ZSWIM5: variants seen among roughly 807,000 people sequenced by gnomAD.
The protein encoded by ZSWIM5 is zinc finger SWIM-type containing 5.
In ZSWIM5, 55 loss-of-function variants were observed where a neutral mutation model predicts 119.6. That is an observed-to-expected ratio of 0.46 (90% CI 0.37 to 0.58). ZSWIM5 has a LOEUF of 0.58. Among genes scored for constraint, ZSWIM5 ranks in the 20% least tolerant of loss-of-function variants. The pLI, the probability that ZSWIM5 is intolerant of heterozygous loss-of-function variation, is 0.00. For synonymous variants in ZSWIM5, 537 were observed against 606.9 expected (o/e 0.88, Z 1.69); for missense variants, 1,193 against 1,512.8 (o/e 0.79, Z 3.51).
At chr1:45,121,579 T>C (rs1000600975) in intron 1 of ZSWIM5, among the ~76,000 whole-genome samples, 2 of 148,176 alleles carry the variant, frequency 1.3e-5, no homozygotes, top group Non-Finnish European at 3.0e-5. Flanking sequence ...CATTTATAGA[T>C]AGGAATCTTT....
chr1:45,056,242 T>A (rs909508095), intron 4 of ZSWIM5, among the ~76,000 whole-genome samples: 4 of 152,076 alleles, frequency 2.6e-5, no homozygotes, highest in African/African-American at 7.2e-5. Flanking sequence ...AATGGGTTAA[T>A]AGTTGGTGAG....
intron 1 of ZSWIM5, among the ~76,000 whole-genome samples, chr1:45,167,895 C>A (rs1645917643): frequency 6.6e-6 from 1 of 152,148 alleles, no homozygotes; most frequent in African/African-American, 2.4e-5. Context: ...ACTAGTTCAA[C>A]CATTGTGGAA....
intron 8 of ZSWIM5, among the ~76,000 whole-genome samples, chr1:45,037,584 G>A (rs577153814): frequency 6.6e-6 from 1 of 152,334 alleles, no homozygotes; most frequent in South Asian, 2.1e-4. Context: ...ATTGCTATGT[G>A]TTAGTGGTGA....
chr1:45,058,839 A>C, intron 3 of ZSWIM5, 80 bp from the exon 4 acceptor site: 1 of 1,530,132 alleles, frequency 6.5e-7, no homozygotes, highest in Non-Finnish European at 8.9e-7. Flanking sequence ...GGGAGGGGGA[A>C]GTGAAGATGA....
At chr1:45,190,624 A>ATT (rs1646085648) in intron 1 of ZSWIM5, among the ~76,000 whole-genome samples, 1 of 152,230 alleles carries the variant, frequency 6.6e-6, no homozygotes. Flanking sequence ...CAAGGCATTT[A>ATT]TTCCTCTAAC....
Position 45,019,493 on chromosome 1 carries a change from T to C in ZSWIM5, c.2696-177A>G, listed in dbSNP as rs1644874876. Among the ~76,000 whole-genome samples, 1 of 152,172 alleles carries C rather than the reference T, an allele frequency of 6.6e-6. No homozygotes were observed. Among genetic ancestry groups the C allele is most frequent in the South Asian group, 2.1e-4 (1 of 4,832 alleles). On this transcript the variant is annotated intron_variant, in intron 13 of 13. Transcript: ENST00000359600. The surrounding 1 kb of genome is among the most constrained non-coding windows in gnomAD (Gnocchi z 5.0). ...AGCATCCCAGATGGCCAGACCCTGT[T>C]TGGGGTCTCTTCCTATCCCTTCTTT... is the stretch of plus-strand genomic sequence containing the variant.
At chr1:45,182,571 A>G (rs980379522) in intron 1 of ZSWIM5, among the ~76,000 whole-genome samples, 1 of 152,206 alleles carries the variant, frequency 6.6e-6, no homozygotes, top group African/African-American at 2.4e-5. Context: ...AAGCAAATGG[A>G]AAACAAAAAA....
intron 1 of ZSWIM5, among the ~76,000 whole-genome samples, chr1:45,186,116 T>C (rs1377262717): frequency 1.3e-4 from 20 of 150,814 alleles, no homozygotes; most frequent in Admixed American, 1.3e-3. Context: ...ATGGATGAAA[T>C]TGGAAATCAT....
chr1:45,068,813 T>G (rs1317476719), intron 2 of ZSWIM5, among the ~76,000 whole-genome samples: 1 of 139,640 alleles, frequency 7.2e-6, no homozygotes, highest in African/African-American at 2.7e-5. Flanking sequence ...TTTTTTTTTT[T>G]TTTTTTTCTG....
At chr1:45,085,528 G>GTTTTT (rs771375917) in intron 2 of ZSWIM5, among the ~76,000 whole-genome samples, 258 of 112,676 alleles carry the variant, frequency 2.3e-3, no homozygotes, top group East Asian at 8.7e-3. Flanking sequence ...TAGTTTGTTT[G>GTTTTT]TTTTTTTTTT....
chr1:45,090,445 T>C (rs527797958), intron 1 of ZSWIM5, among the ~76,000 whole-genome samples: 1 of 152,234 alleles, frequency 6.6e-6, no homozygotes, highest in East Asian at 1.9e-4. Flanking sequence ...AGGTAAAGAC[T>C]ACCTTCACTT....
At chr1:45,182,417 AACAAAC>A (rs879558555) in intron 1 of ZSWIM5, among the ~76,000 whole-genome samples, 9,969 of 149,920 alleles carry the variant, frequency 0.066, 809 homozygotes, top group Non-Finnish European at 0.1. Context: ...AAAACAAACA[AACAAAC>A]AAACAAACAA....
At chr1:45,090,928 T>G (rs568002474) in intron 1 of ZSWIM5, among the ~76,000 whole-genome samples, 1 of 152,080 alleles carries the variant, frequency 6.6e-6, no homozygotes, top group Non-Finnish European at 1.5e-5. Flanking sequence ...CAGAGTAATA[T>G]ATAGCAAAGA....
intron 3 of ZSWIM5, among the ~76,000 whole-genome samples, chr1:45,059,003 T>G (rs371410396): frequency 6.6e-6 from 1 of 152,084 alleles, no homozygotes; most frequent in East Asian, 1.9e-4. Flanking sequence ...AGATAACAAG[T>G]GTTGGACAGG....
At chr1:45,081,316 T>C (rs1312822396) in intron 2 of ZSWIM5, among the ~76,000 whole-genome samples, 1 of 149,884 alleles carries the variant, frequency 6.7e-6, no homozygotes, top group Admixed American at 6.6e-5. Flanking sequence ...CCTCTCCCCA[T>C]GGTCTCCCTC....
At chr1:45,073,991 A>G (rs1645240827) in intron 2 of ZSWIM5, among the ~76,000 whole-genome samples, 1 of 152,012 alleles carries the variant, frequency 6.6e-6, no homozygotes, top group Non-Finnish European at 1.5e-5. Context: ...TGAAATGATC[A>G]TATGGTTTTT....
intron 7 of ZSWIM5, 120 bp from the exon 8 acceptor site, chr1:45,039,193 T>G: frequency 8.0e-7 from 1 of 1,252,110 alleles, no homozygotes; most frequent in Non-Finnish European, 1.1e-6. Flanking sequence ...AAAGCTTCTC[T>G]ATTGTCTTGC....
chr1:45,137,537 G>A (rs1240238602), intron 1 of ZSWIM5, among the ~76,000 whole-genome samples: 1 of 152,148 alleles, frequency 6.6e-6, no homozygotes, highest in Non-Finnish European at 1.5e-5. Context: ...GACAGGGTAG[G>A]CCTGCCTCAC....
intron 3 of ZSWIM5, among the ~76,000 whole-genome samples, chr1:45,059,801 A>T (rs1645142484): frequency 1.3e-5 from 2 of 152,210 alleles, no homozygotes; most frequent in Admixed American, 1.3e-4. Context: ...TTCAGGCTTC[A>T]TCAGGCAGCA....
Sources: allele counts gnomAD v4.1 joint callset (sites outside exome capture counted in the v4.1 genomes callset), GRCh38; gene constraint gnomAD v4.1.1; non-coding constraint Gnocchi (gnomAD v3.1); transcripts MANE v1.5; gene names NCBI Gene and HGNC (gene_info 2026-07-23, HGNC 2026-07-21).